Variants in FARP1 observed in about 807,000 individuals in gnomAD.
FARP1 encodes FERM, ARH/RhoGEF and pleckstrin domain protein 1.
In FARP1, 52 loss-of-function variants were observed where a neutral mutation model predicts 128.8. The observed-to-expected ratio is 0.40, with a 90% CI of 0.32 to 0.51. FARP1 has a LOEUF of 0.51. Among genes scored for constraint, FARP1 ranks in the 20% least tolerant of loss-of-function variants. The probability of loss-of-function intolerance (pLI) is 0.45; values close to 1 mark genes in which losing one functional copy is unlikely to be tolerated. For synonymous variants in FARP1, 580 were observed against 551.8 expected (o/e 1.05, Z -0.72); for missense variants, 1,333 against 1,367.9 (o/e 0.97, Z 0.40).
intron 19 of FARP1, chr13:98,436,243 C>T (rs1315152748): frequency 1.0e-5 from 2 of 193,650 alleles, no homozygotes; most frequent in African/African-American, 4.8e-5. Flanking sequence ...CTACCCCTCC[C>T]CAGCCCCCTG....
At chr13:98,152,605 C>A (rs1876091196) in intron 1 of FARP1, among the ~76,000 whole-genome samples, 1 of 152,128 alleles carries the variant, frequency 6.6e-6, no homozygotes, top group South Asian at 2.1e-4. Flanking sequence ...TTCTAGGATA[C>A]CAGATAATAT....
Position 98,451,208 on chromosome 13 carries a change from A to C in FARP1, c.*2891A>C, listed in dbSNP as rs556603255. 1 of 152,294 alleles carries C rather than the reference A, an allele frequency of 6.6e-6. No individual in the cohort carries two copies. The highest frequency in any genetic ancestry group is 2.4e-5 in the African/African-American group (1 of 41,544). The allele number at this position is 152,294 out of a possible 1,614,324, so 9.4% of individuals were successfully genotyped here. On this transcript the variant is annotated 3_prime_UTR_variant, in exon 27 of 27. Coordinates refer to ENST00000319562, the MANE Select transcript of FARP1 (RefSeq NM_005766.4). The stretch of plus-strand genomic sequence containing the variant: ...TGCTGTCCGCCCTGGCTCACTTAAA[A>C]ATCAGGTAACGGCACACCCTGGGGA...
At chr13:98,193,937 C>T (rs1358479170) in intron 1 of FARP1, among the ~76,000 whole-genome samples, 2 of 152,114 alleles carry the variant, frequency 1.3e-5, no homozygotes, top group Non-Finnish European at 2.9e-5. Flanking sequence ...ATTTTAATTT[C>T]TTGAACTACA....
intron 19 of FARP1, among the ~76,000 whole-genome samples, chr13:98,436,441 C>T (rs569793260): frequency 6.6e-6 from 1 of 152,320 alleles, no homozygotes; most frequent in Non-Finnish European, 1.5e-5. Context: ...GGGATCTTTA[C>T]CCTGTGGCGC....
chr13:98,356,405 G>GT (rs1365769992), intron 3 of FARP1, among the ~76,000 whole-genome samples: 1 of 152,104 alleles, frequency 6.6e-6, no homozygotes, highest in African/African-American at 2.4e-5. Flanking sequence ...AAAAGGTACA[G>GT]TAAAAAATAC....
intron 2 of FARP1, among the ~76,000 whole-genome samples, chr13:98,256,965 A>ATGTATATATGTGGG (rs1566801177): frequency 3.9e-5 from 5 of 127,316 alleles, no homozygotes; most frequent in Non-Finnish European, 6.5e-5. Context: ...ATATATATAT[A>ATGTATATATGTGGG]TATATATATA....
At chr13:98,274,779 C>T (rs1884556845) in intron 2 of FARP1, among the ~76,000 whole-genome samples, 1 of 152,130 alleles carries the variant, frequency 6.6e-6, no homozygotes, top group Admixed American at 6.5e-5. Context: ...AGTTGGTGAC[C>T]ATCAAAAATC....
intron 1 of FARP1, among the ~76,000 whole-genome samples, chr13:98,188,590 CT>C (rs1879032985): frequency 6.6e-6 from 1 of 152,132 alleles, no homozygotes; most frequent in East Asian, 1.9e-4. Context: ...AAGAAGTTTT[CT>C]AGCTAGAAAG....
At chr13:98,290,116 C>T in intron 2 of FARP1, among the ~76,000 whole-genome samples, 1 of 149,466 alleles carries the variant, frequency 6.7e-6, no homozygotes, top group South Asian at 2.1e-4. Context: ...GAAGGGCAGT[C>T]CGTCATCCCC....
At chr13:98,396,258 C>T in intron 13 of FARP1, 2 of 399,208 alleles carry the variant, frequency 5.0e-6, no homozygotes, top group Middle Eastern at 6.3e-4. Flanking sequence ...GTGCCAGAGG[C>T]ATGGCGGGGC....
chr13:98,244,478 C>T (rs1220244619), intron 2 of FARP1: 5 of 1,612,616 alleles, frequency 3.1e-6, no homozygotes, highest in South Asian at 2.2e-5. Flanking sequence ...CATTTGCTCT[C>T]CTCTCTTCCC....
At chr13:98,363,659 A>G (rs1888966685) in intron 3 of FARP1, among the ~76,000 whole-genome samples, 1 of 152,206 alleles carries the variant, frequency 6.6e-6, no homozygotes, top group Non-Finnish European at 1.5e-5. Context: ...GGCCAGTCCT[A>G]AACTGTGTAC....
intron 2 of FARP1, among the ~76,000 whole-genome samples, chr13:98,215,989 C>A (rs532727156): frequency 6.6e-6 from 1 of 152,250 alleles, no homozygotes; most frequent in East Asian, 1.9e-4. Context: ...CGGGCTTTTA[C>A]CATGTTGACC....
intron 3 of FARP1, among the ~76,000 whole-genome samples, chr13:98,361,195 G>C (rs1051006337): frequency 6.6e-6 from 1 of 152,110 alleles, no homozygotes; most frequent in Non-Finnish European, 1.5e-5. Flanking sequence ...CTGCAATCTC[G>C]CTGGGAAACA....
chr13:98,148,251 G>C (rs1211200486), intron 1 of FARP1, among the ~76,000 whole-genome samples: 1 of 152,180 alleles, frequency 6.6e-6, no homozygotes, highest in African/African-American at 2.4e-5. Flanking sequence ...GGTGGCGCGT[G>C]ACTGTAATCC....
chr13:98,171,158 A>G (rs1020592213), intron 1 of FARP1, among the ~76,000 whole-genome samples: 2 of 152,292 alleles, frequency 1.3e-5, no homozygotes, highest in African/African-American at 2.4e-5. Context: ...TTCTTCCTCA[A>G]TTCCCAACAC....
At chr13:98,415,396 T>G (rs994457869) in intron 16 of FARP1, among the ~76,000 whole-genome samples, 2 of 152,216 alleles carry the variant, frequency 1.3e-5, no homozygotes, top group African/African-American at 4.8e-5. Context: ...TTATAACTCT[T>G]GTTTCTTTAG....
intron 1 of FARP1, among the ~76,000 whole-genome samples, chr13:98,162,869 C>A (rs1449891803): frequency 2.0e-5 from 3 of 152,092 alleles, no homozygotes; most frequent in East Asian, 3.9e-4. Context: ...ATGCACTGTT[C>A]GTGAGAGTGT....
At chr13:98,150,153 C>A (rs190165335) in intron 1 of FARP1, among the ~76,000 whole-genome samples, 111 of 152,196 alleles carry the variant, frequency 7.3e-4, no homozygotes, top group Non-Finnish European at 9.9e-4. Context: ...ATTCTTCTGC[C>A]TCAGCCTCCC....
Sources: gnomAD v4.1 joint callset for allele counts (sites outside exome capture counted in the v4.1 genomes callset) on GRCh38, gnomAD v4.1.1 for gene constraint, MANE v1.5 for transcripts, NCBI Gene and HGNC (gene_info 2026-07-23, HGNC 2026-07-21) for gene names.